MCC: variants seen among roughly 807,000 people sequenced by gnomAD.
MCC encodes colorectal mutant cancer protein.
A neutral mutation model predicts 116.2 loss-of-function variants in MCC; 90 were observed. The ratio of observed to expected loss-of-function variants is 0.77; its 90% confidence interval spans 0.65 to 0.92. MCC has a LOEUF of 0.92. Ranked by LOEUF, MCC falls within the 40% of genes least tolerant of loss-of-function variation. The pLI, the probability that MCC is intolerant of heterozygous loss-of-function variation, is 0.00. For missense variants in MCC, 1,516 were observed against 1,312.2 expected, an observed-to-expected ratio of 1.16 and a Z score of -2.40; for synonymous variants, 578 against 510.5, an observed-to-expected ratio of 1.13 and a Z score of -1.78.
rs112518370 is a variant in MCC at position 113,064,767 on chromosome 5, G to C, written c.2030-600C>G. On this transcript the variant is annotated intron_variant, in intron 13 of 18. Coordinates refer to ENST00000408903, the MANE Select transcript of MCC (RefSeq NM_001085377.2). The stretch of plus-strand genomic sequence containing the variant: ...TCAAATGCCTCCAGGAGCCAGGTAA[G>C]TGGGCTAGTGCAGAACATCAGGGTG... 9.1e-3 allele frequency among the ~76,000 whole-genome samples: 1,386 copies of C among 152,324 alleles called. 28 individuals carry two copies. The highest frequency in any genetic ancestry group is 0.032 in the African/African-American group (1,318 of 41,570).
chr5:113,352,775 G>A (rs529685956), intron 2 of MCC, among the ~76,000 whole-genome samples: 5 of 151,912 alleles, frequency 3.3e-5, no homozygotes, highest in South Asian at 2.1e-4. Flanking sequence ...CATTTGAATC[G>A]GTATTTGTGT....
chr5:113,130,184 C>T (rs1272253908), intron 5 of MCC, among the ~76,000 whole-genome samples: 1 of 152,156 alleles, frequency 6.6e-6, no homozygotes, highest in Non-Finnish European at 1.5e-5. Context: ...ATGTCCTTTG[C>T]AGGGACATGG....
chr5:113,076,309 C>G (rs922300574), intron 11 of MCC, among the ~76,000 whole-genome samples: 5 of 152,132 alleles, frequency 3.3e-5, no homozygotes, highest in African/African-American at 1.2e-4. Flanking sequence ...ATACAGAGAA[C>G]ACCACAAAGA....
At chr5:113,397,773 G>C (rs1175664911) in intron 1 of MCC, among the ~76,000 whole-genome samples, 1 of 152,096 alleles carries the variant, frequency 6.6e-6, no homozygotes, top group Non-Finnish European at 1.5e-5. Context: ...CTGAACATTG[G>C]CCTTGGAAAA....
At chr5:113,374,620 A>T (rs374322603) in intron 2 of MCC, among the ~76,000 whole-genome samples, 2 of 152,108 alleles carry the variant, frequency 1.3e-5, no homozygotes, top group African/African-American at 4.8e-5. Flanking sequence ...CCATATTTGT[A>T]TTAATACAAA....
At chr5:113,182,626 C>G (rs1001256954) in intron 3 of MCC, among the ~76,000 whole-genome samples, 6 of 152,152 alleles carry the variant, frequency 3.9e-5, no homozygotes, top group Non-Finnish European at 7.3e-5. Context: ...CCTTCAAAAG[C>G]TACATGAAGA....
chr5:113,125,388 C>T (rs1757985654), intron 5 of MCC, among the ~76,000 whole-genome samples: 1 of 152,136 alleles, frequency 6.6e-6, no homozygotes, highest in African/African-American at 2.4e-5. Flanking sequence ...GGAAAGCTAC[C>T]TTGCGAGAAC....
At position 113,384,975 on chromosome 5, in the gene MCC, G is replaced by A. The variant is rs1348097584; in HGVS notation, c.408C>T (p.Asn136=). 2 of 1,614,046 alleles carry A rather than the reference G, an allele frequency of 1.2e-6. No individual in the cohort carries two copies. Among genetic ancestry groups the A allele is most frequent in the African/African-American group, 1.3e-5 (1 of 74,936 alleles). Residue 136 remains asparagine (N), a synonymous_variant, in exon 2 of 19, where the codon AAC becomes AAT. Coordinates refer to ENST00000408903, the MANE Select transcript of MCC (RefSeq NM_001085377.2). ...RIASWPTSSD[N]SLGALSAARE... ...CCACCTGGTTATACCTACCCAAACTGTTGTCACTGCTCGTGGGCCAGGAAG... is the reference window on the plus strand; with the variant it reads ...CCACCTGGTTATACCTACCCAAACTATTGTCACTGCTCGTGGGCCAGGAAG...
At chr5:113,429,073 A>G (rs771641586) in intron 1 of MCC, among the ~76,000 whole-genome samples, 13 of 152,232 alleles carry the variant, frequency 8.5e-5, no homozygotes, top group Non-Finnish European at 1.9e-4. Flanking sequence ...GAAATAGGAC[A>G]AAAACTTTAC....
chr5:113,101,715 C>G, intron 8 of MCC, 24 bp downstream of exon 8: 1 of 1,611,716 alleles, frequency 6.2e-7, no homozygotes, highest in Middle Eastern at 1.7e-4. Flanking sequence ...AAGGGCCTGA[C>G]CATTATGGAT....
intron 2 of MCC, among the ~76,000 whole-genome samples, chr5:113,349,876 G>A (rs1246505053): frequency 6.6e-6 from 1 of 151,936 alleles, no homozygotes; most frequent in Admixed American, 6.6e-5. Context: ...ACAAAAATCA[G>A]TAGCATTTCT....
At chr5:113,444,208 A>C (rs554950240) in intron 1 of MCC, among the ~76,000 whole-genome samples, 1 of 152,302 alleles carries the variant, frequency 6.6e-6, no homozygotes, top group East Asian at 1.9e-4. Flanking sequence ...TACAGGTTAC[A>C]GGTCAATTTT....
intron 3 of MCC, among the ~76,000 whole-genome samples, chr5:113,203,490 G>A (rs1762778065): frequency 6.6e-6 from 1 of 151,564 alleles, no homozygotes. Context: ...GCCCAGACCA[G>A]ATTACTCTGT....
chr5:113,221,489 G>A (rs1327660299), intron 3 of MCC, among the ~76,000 whole-genome samples: 1 of 152,206 alleles, frequency 6.6e-6, no homozygotes, highest in Non-Finnish European at 1.5e-5. Context: ...GCCTTTGCAG[G>A]ACTAACAAAT....
intron 3 of MCC, among the ~76,000 whole-genome samples, chr5:113,244,659 T>C (rs1764502889): frequency 6.6e-6 from 1 of 152,246 alleles, no homozygotes. Context: ...CAAGTCTGTA[T>C]CTACTCTTCC....
At chr5:113,091,452 A>T (rs1178987006) in intron 8 of MCC, among the ~76,000 whole-genome samples, 2 of 152,234 alleles carry the variant, frequency 1.3e-5, no homozygotes, top group African/African-American at 4.8e-5. Context: ...AGCTGAATTC[A>T]CCCTAGGGGA....
intron 1 of MCC, among the ~76,000 whole-genome samples, chr5:113,451,751 A>T (rs1034941316): frequency 6.6e-6 from 1 of 152,200 alleles, no homozygotes; most frequent in African/African-American, 2.4e-5. Flanking sequence ...GGAAGGAAGG[A>T]AAAACTGAGG....
intron 1 of MCC, among the ~76,000 whole-genome samples, chr5:113,421,915 C>T (rs1770347850): frequency 1.3e-5 from 2 of 152,160 alleles, no homozygotes; most frequent in Admixed American, 6.5e-5. Context: ...GGGGTCCTTC[C>T]ATTGCTAATG....
chr5:113,201,917 C>T (rs780645082), intron 3 of MCC, among the ~76,000 whole-genome samples: 1 of 152,132 alleles, frequency 6.6e-6, no homozygotes, highest in South Asian at 2.1e-4. Context: ...GTCAGGCAGG[C>T]TACACTCACT....
Sources: gnomAD v4.1 joint callset for allele counts (sites outside exome capture counted in the v4.1 genomes callset) on GRCh38, gnomAD v4.1.1 for gene constraint, MANE v1.5 for transcripts, NCBI Gene and HGNC (gene_info 2026-07-23, HGNC 2026-07-21) for gene names.